MBD4: variants seen among roughly 807,000 people sequenced by gnomAD.
MBD4 encodes methyl-CpG binding domain 4, DNA glycosylase.
MBD4 carries 53 observed loss-of-function variants against 60.2 expected under a neutral mutation model. The observed-to-expected ratio is 0.88, with a 90% CI of 0.71 to 1.11. The LOEUF (loss-of-function observed/expected upper bound fraction) is 1.11. MBD4 is among the 50% of genes least tolerant of loss of function. The probability of loss-of-function intolerance (pLI) is 0.00; values close to 1 mark genes in which losing one functional copy is unlikely to be tolerated. For missense variants in MBD4, 619 were observed against 674.0 expected, an observed-to-expected ratio of 0.92 and a Z score of 0.90; for synonymous variants, 231 against 229.8, an observed-to-expected ratio of 1.01 and a Z score of -0.05.
At chr3:129,434,342 C>G (rs764843943) in intron 3 of MBD4, among the ~76,000 whole-genome samples, 2 of 152,174 alleles carry the variant, frequency 1.3e-5, no homozygotes, top group Non-Finnish European at 2.9e-5. Flanking sequence ...CATTGAGGCA[C>G]AGAGAAGCTA....
chr3:129,434,973 A>G (rs986259985), intron 3 of MBD4, among the ~76,000 whole-genome samples: 1 of 152,338 alleles, frequency 6.6e-6, no homozygotes. Flanking sequence ...TTTGAATATC[A>G]GTTAATAATA....
Position 129,436,909 on chromosome 3 carries a change from TTTC to T in MBD4, c.732_734del (p.Lys245del). The T allele has an allele frequency of 3.1e-6, 5 of 1,614,176 alleles. No homozygotes were observed. The highest frequency in any genetic ancestry group is 4.2e-6 in the Non-Finnish European group (5 of 1,180,024). Reference sequence around the variant, plus strand: ...AGCTCTTCCTACATCCTTTTTTAGTTTTCTTAATTGGGATTCCTTTCAAAATAG... The same window carrying T: ...AGCTCTTCCTACATCCTTTTTTAGTTTTAATTGGGATTCCTTTCAAAATAG... On this transcript the variant is annotated inframe_deletion, in exon 3 of 8. Transcript: ENST00000429544.
intron 1 of MBD4, among the ~76,000 whole-genome samples, chr3:129,438,631 C>A (rs2072559863): frequency 1.3e-5 from 2 of 151,922 alleles, no homozygotes; most frequent in Non-Finnish European, 2.9e-5. Context: ...GCTGGCAAGG[C>A]AAGGTGGCTC....
chr3:129,437,920 T>G lies in MBD4; in HGVS notation c.135A>C (p.Arg45Ser), dbSNP rs1459285140. The G allele has an allele frequency of 6.2e-7, 1 of 1,612,796 alleles. No homozygotes were observed. Among genetic ancestry groups the G allele is most frequent in the Non-Finnish European group, 8.5e-7 (1 of 1,178,876 alleles). The change falls in exon 2 of 8, where the codon AGA (arginine) becomes AGC (serine). Residue 45 changes from arginine to serine, a missense_variant. Coordinates refer to ENST00000429544, the MANE Select transcript of MBD4 (RefSeq NM_001276270.2). Reference protein sequence around the residue: ...RKEDVAMELERVGEDEEQMMI... With the variant: ...RKEDVAMELESVGEDEEQMMI... Reference sequence around the variant, plus strand: ...TCATTTGTTCCTCATCTTCTCCCACTCTTTCCAATTCCATAGCAACATCTT... The same window carrying G: ...TCATTTGTTCCTCATCTTCTCCCACGCTTTCCAATTCCATAGCAACATCTT...
At chr3:129,432,338 C>T in intron 7 of MBD4, 165 bp downstream of exon 7, 1 of 1,522,522 alleles carries the variant, frequency 6.6e-7, no homozygotes, top group Non-Finnish European at 8.8e-7. Flanking sequence ...GCCTACTGAT[C>T]AAAAACCCCA....
chr3:129,436,487 C>A lies in MBD4; in HGVS notation c.1157G>T (p.Cys386Phe). The change falls in exon 3 of 8, where the codon TGC becomes TTC. Residue 386 changes from cysteine to phenylalanine, a missense_variant. Cys to Phe is a radical substitution (Grantham distance 205, BLOSUM62 -2). Transcript: ENST00000429544. ...AGTGAAGTCTTTCCTGGTTGGTGAG[C>A]AGTTGTTGTCCATTTCAGAGCCACG... The part of the protein sequence containing the change: ...LKRGSEMDNN[C>F]SPTRKDFTED... 4 of 1,614,074 alleles carry A rather than the reference C, an allele frequency of 2.5e-6. No individual in the cohort carries two copies. The highest frequency in any genetic ancestry group is 1.7e-6 in the Non-Finnish European group (2 of 1,179,996).
intron 3 of MBD4, among the ~76,000 whole-genome samples, chr3:129,434,667 C>T (rs1006008882): frequency 2.0e-5 from 3 of 152,276 alleles, no homozygotes; most frequent in Admixed American, 2.0e-4. Context: ...AATAACAATA[C>T]AGAAGTTAAG....
chr3:129,439,610 T>C (rs2072676901), intron 1 of MBD4, 120 bp downstream of exon 1: 3 of 759,290 alleles, frequency 4.0e-6, no homozygotes, highest in Non-Finnish European at 7.1e-6. Flanking sequence ...ACTAAACCCG[T>C]GGGCTTCGAG....
intron 7 of MBD4, 138 bp downstream of exon 7, chr3:129,432,365 C>G (rs1275522010): frequency 6.4e-7 from 1 of 1,554,226 alleles, no homozygotes; most frequent in Non-Finnish European, 8.7e-7. Context: ...ACATGCCACC[C>G]GCTTCCCCGC....
intron 3 of MBD4, among the ~76,000 whole-genome samples, chr3:129,434,773 A>G (rs532495687): frequency 1.3e-5 from 2 of 152,186 alleles, no homozygotes; most frequent in African/African-American, 2.4e-5. Context: ...TCTGCAGTGA[A>G]CACTTACTTT....
intron 3 of MBD4, among the ~76,000 whole-genome samples, chr3:129,435,730 T>C (rs1320647562): frequency 1.3e-5 from 2 of 152,218 alleles, no homozygotes; most frequent in African/African-American, 4.8e-5. Flanking sequence ...TTATTCATTA[T>C]ACCATAATGG....
In MBD4 at chr3:129,433,262, T is replaced by C; in HGVS notation, c.1394-15A>G. Reference sequence around the variant, plus strand: ...TGCCATTTTGCCTGGGAAGTAAAAGTAACTGAATGATTACAAGACTCCAGG... The same window carrying C: ...TGCCATTTTGCCTGGGAAGTAAAAGCAACTGAATGATTACAAGACTCCAGG... On this transcript the variant is annotated splice_polypyrimidine_tract_variant and intron_variant, in intron 5 of 7. Transcript: ENST00000429544. The C allele has an allele frequency of 1.9e-6, 3 of 1,613,792 alleles. No homozygotes were observed. The highest frequency in any genetic ancestry group is 2.5e-6 in the Non-Finnish European group (3 of 1,179,814).
In MBD4 at chr3:129,432,542, G is replaced by A. The variant is rs534871253; in HGVS notation, c.1608C>T (p.Asn536=). Residue 536 remains asparagine, a synonymous_variant, in exon 7 of 8, where the codon AAC becomes AAT. Transcript: ENST00000429544. ...IELHGIGKYG[N]DSYRIFCVNE... is the part of the protein sequence containing the mutation. Reference sequence around the variant, plus strand: ...TGACACAAAAAATTCGGTAAGAGTCGTTGCCATATTTACCAATCCCATGAA... The same window carrying A: ...TGACACAAAAAATTCGGTAAGAGTCATTGCCATATTTACCAATCCCATGAA... 20 of 1,614,162 alleles carry A rather than the reference G, an allele frequency of 1.2e-5. No homozygotes were observed. The highest frequency in any genetic ancestry group is 2.2e-5 in the East Asian group (1 of 44,892).
chr3:129,431,713 A>C, intron 7 of MBD4, 135 bp from the exon 8 acceptor site: 1 of 707,666 alleles, frequency 1.4e-6, no homozygotes, highest in Non-Finnish European at 2.6e-6. Context: ...TATAACCTTT[A>C]ACCTCCTGGG....
intron 1 of MBD4, 135 bp from the exon 2 acceptor site, chr3:129,438,085 C>A: frequency 1.5e-6 from 1 of 649,056 alleles, no homozygotes; most frequent in Non-Finnish European, 2.8e-6. Context: ...TCAGTGTGGA[C>A]CAGTCTTGTG....
rs1336890117 is a variant in MBD4, at chr3:129,437,224, ATCT to A, written c.417_419del (p.Glu139del). The A allele has an allele frequency of 6.2e-7, 1 of 1,613,252 alleles. No individual in the cohort carries two copies. On this transcript the variant is annotated inframe_deletion, in exon 3 of 8. Transcript: ENST00000429544. The stretch of plus-strand genomic sequence containing the variant: ...TTTTAGAAAGTACAGTAAAATCAAA[ATCT>A]TCTGGCTTAAGAGAAGTCTCTCCAT...
chr3:129,432,972 T>C (rs2072382394), intron 6 of MBD4, 126 bp downstream of exon 6: 4 of 1,256,326 alleles, frequency 3.2e-6, no homozygotes, highest in Non-Finnish European at 4.5e-6. Flanking sequence ...CTTTTTTAAA[T>C]GCCTTGGGTG....
At position 129,436,589 on chromosome 3, in the gene MBD4, A is replaced by C. The variant is rs2107755203; in HGVS notation, c.1055T>G (p.Phe352Cys). 6.2e-7 allele frequency: 1 copy of C among 1,614,202 alleles called. No homozygotes were observed. ...SEHNEKYEDT[F>C]LESEEIGTKV... ...TGTTCCGATTTCTTCAGATTCTAAAAAGGTATCCTCATACTTCTCGTTGTG... is the reference window on the plus strand; with the variant it reads ...TGTTCCGATTTCTTCAGATTCTAAACAGGTATCCTCATACTTCTCGTTGTG... The change falls in exon 3 of 8, where the codon TTT (phenylalanine) becomes TGT (cysteine). Residue 352 changes from phenylalanine to cysteine, a missense_variant. Physicochemically the swap from Phe to Cys is radical, Grantham distance 205. Transcript: ENST00000429544.
chr3:129,431,507 T>C lies in MBD4; in HGVS notation c.1719A>G (p.Leu573=), dbSNP rs1157788131. ...WLWENHEKLS[L]S ...AGCTTGAAAGCTGCAGAGTTTAAGA[T>C]AGACTTAATTTTTCATGATTTTCCC... Residue 573 remains leucine (L), a synonymous_variant, in exon 8 of 8, where the codon CTA becomes CTG. Transcript: ENST00000429544. 2.5e-6 allele frequency: 4 copies of C among 1,612,808 alleles called. No homozygotes were observed. Among genetic ancestry groups the C allele is most frequent in the Non-Finnish European group, 2.5e-6 (3 of 1,179,272 alleles).
Sources: gnomAD v4.1 joint callset for allele counts (sites outside exome capture counted in the v4.1 genomes callset) on GRCh38, gnomAD v4.1.1 for gene constraint, MANE v1.5 for transcripts, NCBI Gene and HGNC (gene_info 2026-07-23, HGNC 2026-07-21) for gene names.